MCTP2: variants seen among roughly 807,000 people sequenced by gnomAD.
MCTP2 encodes multiple C2 and transmembrane domain containing 2.
In MCTP2, 132 loss-of-function variants were observed where a neutral mutation model predicts 111.6. That is an observed-to-expected ratio of 1.18 (90% CI 1.03 to 1.37). The LOEUF is 1.37. Among genes scored for constraint, MCTP2 ranks in the 40% most tolerant of loss-of-function variants. MCTP2 has a pLI of 0.00. For missense variants in MCTP2, 1,183 were observed against 1,067.9 expected (o/e 1.11, Z -1.50); for synonymous variants, 395 against 387.7 (o/e 1.02, Z -0.22).
At chr15:94,325,506 T>C (rs532268310) in intron 4 of MCTP2, among the ~76,000 whole-genome samples, 2 of 152,170 alleles carry the variant, frequency 1.3e-5, no homozygotes, top group African/African-American at 2.4e-5. Context: ...ATCTTTTTGC[T>C]CTTTTACTTC....
chr15:94,272,127 G>A (rs1286756521), intron 1 of MCTP2, among the ~76,000 whole-genome samples: 4 of 152,226 alleles, frequency 2.6e-5, no homozygotes, highest in Non-Finnish European at 4.4e-5. Context: ...ATCCATCTGT[G>A]TGGTTTAATC....
intron 12 of MCTP2, among the ~76,000 whole-genome samples, chr15:94,379,668 CCT>C (rs1282503165): frequency 2.7e-5 from 4 of 148,718 alleles, no homozygotes; most frequent in Non-Finnish European, 4.4e-5. Context: ...TCGCTATTTG[CCT>C]CTCTCTCTCA....
intron 1 of MCTP2, among the ~76,000 whole-genome samples, chr15:94,256,638 T>C (rs1432418362): frequency 6.6e-6 from 1 of 152,178 alleles, no homozygotes; most frequent in Non-Finnish European, 1.5e-5. Flanking sequence ...GTCTTTTCTG[T>C]GAGCAAGAGA....
intron 1 of MCTP2, among the ~76,000 whole-genome samples, chr15:94,293,585 C>G (rs1033481243): frequency 6.6e-6 from 1 of 152,228 alleles, no homozygotes; most frequent in African/African-American, 2.4e-5. Flanking sequence ...TCTTCCTACA[C>G]CTCGGTGCCC....
At chr15:94,386,760 C>T (rs1050585531) in intron 14 of MCTP2, among the ~76,000 whole-genome samples, 3 of 152,030 alleles carry the variant, frequency 2.0e-5, no homozygotes, top group African/African-American at 7.2e-5. Context: ...TGACAGTTTT[C>T]TCATTTCACT....
intron 20 of MCTP2, among the ~76,000 whole-genome samples, chr15:94,462,001 G>GGAAA (rs2085244095): frequency 2.0e-5 from 3 of 152,302 alleles, no homozygotes; most frequent in African/African-American, 7.2e-5. Context: ...CATATGTGAA[G>GGAAA]GAAAGCCTTT....
intron 2 of MCTP2, among the ~76,000 whole-genome samples, chr15:94,305,169 G>A (rs2075822498): frequency 6.6e-6 from 1 of 152,168 alleles, no homozygotes; most frequent in Admixed American, 6.5e-5. Context: ...CAGAAGCATG[G>A]AGCCCTGATC....
chr15:94,260,534 G>C (rs1156664749), intron 1 of MCTP2, among the ~76,000 whole-genome samples: 1 of 152,092 alleles, frequency 6.6e-6, no homozygotes, highest in African/African-American at 2.4e-5. Flanking sequence ...TAAGGACTTT[G>C]AACTTGTACA....
intron 8 of MCTP2, among the ~76,000 whole-genome samples, chr15:94,346,603 C>T (rs2077993018): frequency 6.6e-6 from 1 of 152,168 alleles, no homozygotes; most frequent in South Asian, 2.1e-4. Context: ...TCTGCTGCTG[C>T]ACTAAAACAC....
chr15:94,350,571 A>AAATAC (rs1474617239), intron 8 of MCTP2, among the ~76,000 whole-genome samples: 1 of 152,172 alleles, frequency 6.6e-6, no homozygotes, highest in Non-Finnish European at 1.5e-5. Flanking sequence ...CTCCGTCTCA[A>AAATAC]AATAAAATAA....
At chr15:94,428,910 C>T (rs571001553) in intron 17 of MCTP2, among the ~76,000 whole-genome samples, 38 of 152,232 alleles carry the variant, frequency 2.5e-4, no homozygotes, top group African/African-American at 8.9e-4. Flanking sequence ...ATTAACAGAA[C>T]CTCAGGTAAG....
chr15:94,399,350 C>T (rs1244663445), intron 15 of MCTP2, among the ~76,000 whole-genome samples: 1 of 152,080 alleles, frequency 6.6e-6, no homozygotes, highest in Non-Finnish European at 1.5e-5. Flanking sequence ...TTTTACAGTT[C>T]GTGTGATGTG....
At chr15:94,367,288 A>G (rs1418165548) in intron 10 of MCTP2, among the ~76,000 whole-genome samples, 2 of 152,128 alleles carry the variant, frequency 1.3e-5, no homozygotes, top group African/African-American at 4.8e-5. Flanking sequence ...TTAAACTTTC[A>G]AACTTTTTCT....
chr15:94,313,788 G>A (rs2076254748), intron 2 of MCTP2, among the ~76,000 whole-genome samples: 2 of 152,132 alleles, frequency 1.3e-5, no homozygotes, highest in Non-Finnish European at 2.9e-5. Context: ...TCCCAGTTTT[G>A]GTTTGGCGAT....
intron 22 of MCTP2, 23 bp downstream of exon 22, chr15:94,476,816 C>A: frequency 7.5e-7 from 1 of 1,339,576 alleles, no homozygotes; most frequent in Non-Finnish European, 1.1e-6. Context: ...TGGTTACCAC[C>A]AACAGTGGCC....
intron 1 of MCTP2, among the ~76,000 whole-genome samples, chr15:94,245,460 TTATA>T (rs2071848767): frequency 7.2e-6 from 1 of 139,270 alleles, no homozygotes; most frequent in Non-Finnish European, 1.5e-5. Context: ...GTATATGTAT[TTATA>T]TACATATATG....
At chr15:94,428,974 A>G (rs1218606139) in intron 17 of MCTP2, among the ~76,000 whole-genome samples, 2 of 152,090 alleles carry the variant, frequency 1.3e-5, no homozygotes, top group Non-Finnish European at 2.9e-5. Context: ...TTACACTTCT[A>G]TAATCCACTC....
In MCTP2 at chr15:94,336,029, C is replaced by T. The variant is rs139434783; in HGVS notation, c.638-3261C>T. On this transcript the variant is annotated intron_variant, in intron 4 of 22. Transcript: ENST00000357742. Reference sequence around the variant, plus strand: ...AGAGGAAAATCACCTGTCTTTATTACAGATTATAAACTAAACTCCTTATTT... The same window carrying T: ...AGAGGAAAATCACCTGTCTTTATTATAGATTATAAACTAAACTCCTTATTT... Among the ~76,000 whole-genome samples, 9 of 152,338 alleles carry T rather than the reference C, an allele frequency of 5.9e-5. No homozygotes were observed. In the East Asian group the frequency reaches 1.2e-3, roughly 20 times the overall value.
At chr15:94,426,141 TGAGAGAGAGA>T (rs10603478) in intron 17 of MCTP2, among the ~76,000 whole-genome samples, 9 of 140,938 alleles carry the variant, frequency 6.4e-5, no homozygotes, top group South Asian at 4.6e-4. Flanking sequence ...AGAGAGAGAT[TGAGAGAGAGA>T]GAGAGAGAGA....
Sources: allele counts gnomAD v4.1 joint callset (sites outside exome capture counted in the v4.1 genomes callset), GRCh38; gene constraint gnomAD v4.1.1; transcripts MANE v1.5; gene names NCBI Gene and HGNC (gene_info 2026-07-23, HGNC 2026-07-21).